Variants in STK32B observed in about 807,000 individuals in gnomAD.
STK32B encodes the protein serine/threonine-protein kinase 32B.
In STK32B, 43 loss-of-function variants were observed where a neutral mutation model predicts 52.6. The ratio of observed to expected loss-of-function variants is 0.82; its 90% CI spans 0.64 to 1.05. STK32B has a LOEUF of 1.05. Ranked by LOEUF, STK32B falls within the 50% of genes least tolerant of loss-of-function variation. The pLI, the probability that STK32B is intolerant of heterozygous loss-of-function variation, is 0.00. For missense variants in STK32B, 621 were observed against 534.6 expected (o/e 1.16, Z -1.59); for synonymous variants, 238 against 204.3 (o/e 1.17, Z -1.41).
intron 1 of STK32B, among the ~76,000 whole-genome samples, chr4:5,073,766 TTTTA>T (rs915675101): frequency 2.6e-5 from 4 of 152,070 alleles, no homozygotes; most frequent in African/African-American, 4.8e-5. Context: ...CAGTTGACTT[TTTTA>T]TTTATTTATT....
intron 2 of STK32B, among the ~76,000 whole-genome samples, chr4:5,152,982 T>C (rs1266089393): frequency 6.6e-6 from 1 of 152,222 alleles, no homozygotes; most frequent in African/African-American, 2.4e-5. Flanking sequence ...ATTGTCTACC[T>C]TGTCCCACTA....
chr4:5,023,569 G>A, the STK32B span, among the ~76,000 whole-genome samples: 1 of 152,206 alleles, frequency 6.6e-6, no homozygotes, highest in Admixed American at 6.5e-5. Context: ...CAGAACGGAG[G>A]TGTGGCGATG....
At chr4:5,260,225 A>G (rs1726618647) in intron 3 of STK32B, among the ~76,000 whole-genome samples, 1 of 152,206 alleles carries the variant, frequency 6.6e-6, no homozygotes, top group South Asian at 2.1e-4. Context: ...TTTTCCCAAC[A>G]TTGCAAATTA....
At chr4:5,047,261 TCTCA>T (rs1370847709), upstream of STK32B, among the ~76,000 whole-genome samples, 1 of 151,524 alleles carries the variant, frequency 6.6e-6, no homozygotes, top group Non-Finnish European at 1.5e-5. Flanking sequence ...CACCACATGT[TCTCA>T]CTCATAAGTG....
At chr4:5,069,944 G>C (rs951544402) in intron 1 of STK32B, among the ~76,000 whole-genome samples, 38 of 152,242 alleles carry the variant, frequency 2.5e-4, no homozygotes, top group African/African-American at 8.4e-4. Flanking sequence ...AGGATGGAGT[G>C]AGGTAACCAT....
intron 4 of STK32B, among the ~76,000 whole-genome samples, chr4:5,385,969 CTCACAGCTCCA>C (rs1736226429): frequency 7.3e-6 from 1 of 137,314 alleles, no homozygotes; most frequent in Non-Finnish European, 1.6e-5. Context: ...ACAGCCCCCA[CTCACAGCTCCA>C]CCCACAGCCC....
chr4:5,354,598 C>T (rs575452357), intron 4 of STK32B, among the ~76,000 whole-genome samples: 1 of 152,144 alleles, frequency 6.6e-6, no homozygotes, highest in Non-Finnish European at 1.5e-5. Context: ...TGCTCCATAG[C>T]AGAGAAGGGT....
intron 3 of STK32B, among the ~76,000 whole-genome samples, chr4:5,212,343 A>G (rs557208225): frequency 4.6e-5 from 7 of 152,318 alleles, no homozygotes; most frequent in African/African-American, 1.7e-4. Context: ...TTGTGCAAGT[A>G]ATATTCAGAT....
chr4:5,122,134 A>G (rs993618571), intron 1 of STK32B, among the ~76,000 whole-genome samples: 8 of 150,848 alleles, frequency 5.3e-5, no homozygotes, highest in African/African-American at 2.0e-4. Flanking sequence ...TCACTGTTTC[A>G]CTCACACACT....
intron 3 of STK32B, among the ~76,000 whole-genome samples, chr4:5,186,077 C>T (rs1016800495): frequency 1.3e-5 from 2 of 152,168 alleles, no homozygotes; most frequent in African/African-American, 4.8e-5. Flanking sequence ...AGTCGCTATT[C>T]ACTGGGCTCT....
At chr4:5,228,917 AG>A (rs1724055448) in intron 3 of STK32B, among the ~76,000 whole-genome samples, 2 of 152,182 alleles carry the variant, frequency 1.3e-5, no homozygotes, top group South Asian at 4.1e-4. Context: ...CAGTGAGCCA[AG>A]GGCCTGCCAT....
chr4:5,238,750 T>G (rs200570365), intron 3 of STK32B, among the ~76,000 whole-genome samples: 1 of 152,204 alleles, frequency 6.6e-6, no homozygotes. Context: ...CATTCATTCA[T>G]TCCTTCACTC....
chr4:5,438,458 G>A (rs896886010), intron 6 of STK32B, among the ~76,000 whole-genome samples: 7 of 152,220 alleles, frequency 4.6e-5, no homozygotes, highest in African/African-American at 1.7e-4. Context: ...AAAACACACA[G>A]AATTTGGAGA....
chr4:5,449,966 G>A (rs1470372597), intron 7 of STK32B, among the ~76,000 whole-genome samples: 2 of 152,128 alleles, frequency 1.3e-5, no homozygotes, highest in East Asian at 1.9e-4. Context: ...TAATAATAAA[G>A]TGTAGAATAA....
At chr4:5,187,210 C>T (rs903698390) in intron 3 of STK32B, among the ~76,000 whole-genome samples, 11 of 152,112 alleles carry the variant, frequency 7.2e-5, no homozygotes, top group Non-Finnish European at 1.0e-4. Context: ...TGGGGTACTC[C>T]GCTTCTCCCG....
At chr4:5,316,935 TATA>T (rs1730938202) in intron 3 of STK32B, among the ~76,000 whole-genome samples, 1 of 27,332 alleles carries the variant, frequency 3.7e-5, no homozygotes, top group African/African-American at 3.6e-4. Flanking sequence ...ATATAATATA[TATA>T]ATATATAATA....
rs541123689 is a variant in STK32B, at chr4:5,386,168, C to T, written c.435-12039C>T. Among the ~76,000 whole-genome samples the T allele has an allele frequency of 5.3e-5, 8 of 152,088 alleles. No homozygotes were observed. The highest frequency in any genetic ancestry group is 1.9e-4 in the African/African-American group (8 of 41,474). Reference sequence around the variant, plus strand: ...TTTGTACTCCCTGGACTCTTCCCAGCCGTCTGTCTCTCACACAGCACCCTC... The same window carrying T: ...TTTGTACTCCCTGGACTCTTCCCAGTCGTCTGTCTCTCACACAGCACCCTC... On this transcript the variant is annotated intron_variant, in intron 4 of 11. Coordinates refer to ENST00000282908, the MANE Select transcript of STK32B (RefSeq NM_018401.3). The surrounding 1 kb of genome is among the most constrained non-coding windows in gnomAD (Gnocchi z 4.5).
intron 4 of STK32B, among the ~76,000 whole-genome samples, chr4:5,358,499 G>C (rs1354309): frequency 1.3e-5 from 2 of 151,920 alleles, no homozygotes; most frequent in Non-Finnish European, 2.9e-5. Flanking sequence ...TCTTTCATTC[G>C]TTAATCTAGG....
chr4:5,241,064 A>G (rs1724990144), intron 3 of STK32B, among the ~76,000 whole-genome samples: 1 of 152,148 alleles, frequency 6.6e-6, no homozygotes, highest in Admixed American at 6.5e-5. Context: ...TACCTCATCT[A>G]TTAAAATTAT....
Sources: gnomAD v4.1 joint callset for allele counts (sites outside exome capture counted in the v4.1 genomes callset) on GRCh38, gnomAD v4.1.1 for gene constraint, Gnocchi (gnomAD v3.1) non-coding constraint, MANE v1.5 for transcripts, NCBI Gene and HGNC (gene_info 2026-07-23, HGNC 2026-07-21) for gene names.